Variants in TMEM234 observed in about 807,000 individuals in gnomAD.
TMEM234 encodes the protein chromosome 1 open reading frame 91.
In TMEM234, 21 loss-of-function variants were observed where a neutral mutation model predicts 17.8. The observed-to-expected ratio is 1.18, with a 90% CI of 0.84 to 1.70. The LOEUF is 1.70. Among genes scored for constraint, TMEM234 ranks in the 40% most tolerant of loss-of-function variants. The pLI, the probability that TMEM234 is intolerant of heterozygous loss-of-function variation, is 0.00. For synonymous variants in TMEM234, 83 were observed against 73.5 expected, an observed-to-expected ratio of 1.13 and a Z score of -0.66; for missense variants, 137 against 166.9, an observed-to-expected ratio of 0.82 and a Z score of 0.99.
At chr1:32,221,772 AG>A (rs1249312089) in intron 2 of TMEM234, 94 bp downstream of exon 2, 2 of 1,517,198 alleles carry the variant, frequency 1.3e-6, no homozygotes, top group Non-Finnish European at 1.8e-6. Flanking sequence ...ATTTCTAGTG[AG>A]TAAGTGGTGG....
chr1:32,215,765 CA>C, downstream of TMEM234: 2 of 1,478,934 alleles, frequency 1.4e-6, no homozygotes, highest in South Asian at 2.5e-5. Flanking sequence ...TGGCCATACT[CA>C]CGGCTCCATT....
intron 3 of TMEM234, chr1:32,217,622 C>T (rs574650359): frequency 7.5e-6 from 5 of 668,094 alleles, no homozygotes; most frequent in Admixed American, 2.2e-5. Flanking sequence ...AAAGAGAACT[C>T]GTGAGATCTC....
downstream of TMEM234, chr1:32,214,766 T>C: frequency 1.2e-6 from 2 of 1,612,586 alleles, no homozygotes; most frequent in Non-Finnish European, 1.7e-6. Flanking sequence ...TGGCCAGCAA[T>C]CAGGGTCCAA....
At chr1:32,214,930 C>T (rs1399801486), downstream of TMEM234, 3 of 1,613,926 alleles carry the variant, frequency 1.9e-6, no homozygotes, top group Non-Finnish European at 2.5e-6. Context: ...TCATTCCCAT[C>T]AGGTGAGGGG....
chr1:32,215,000 T>C (rs374714757), downstream of TMEM234: 13 of 1,587,374 alleles, frequency 8.2e-6, no homozygotes, highest in African/African-American at 1.4e-4. Flanking sequence ...TGGTCCCTGC[T>C]GTTGTTGGGG....
At chr1:32,220,173 A>C (rs1334644048) in intron 3 of TMEM234, among the ~76,000 whole-genome samples, 1 of 151,992 alleles carries the variant, frequency 6.6e-6, no homozygotes, top group African/African-American at 2.4e-5. Context: ...AGTGCATATT[A>C]TTTCTTTCTT....
At chr1:32,217,452 C>A (rs1638501332) in intron 3 of TMEM234, 101 bp from the exon 4 acceptor site, 1 of 1,568,934 alleles carries the variant, frequency 6.4e-7, no homozygotes, top group African/African-American at 1.4e-5. Flanking sequence ...AAAAAGGTAT[C>A]AAAACCCCAT....
chr1:32,215,105 G>T, downstream of TMEM234: 1 of 916,872 alleles, frequency 1.1e-6, no homozygotes, highest in Non-Finnish European at 1.6e-6. Flanking sequence ...TCAGGAGACT[G>T]CCCGTAAAAA....
chr1:32,219,207 G>A (rs1201163276), intron 3 of TMEM234, among the ~76,000 whole-genome samples: 1 of 146,254 alleles, frequency 6.8e-6, no homozygotes, highest in East Asian at 1.9e-4. Context: ...CTGCAGACCA[G>A]ATGTTCACAC....
downstream of TMEM234, chr1:32,215,341 A>C: frequency 9.9e-7 from 1 of 1,010,440 alleles, no homozygotes; most frequent in South Asian, 1.7e-5. Flanking sequence ...ATGCAGAACC[A>C]GGTTCAGGGG....
chr1:32,221,234 C>T (rs1474314688), intron 2 of TMEM234, 37 bp from the exon 3 acceptor site: 5 of 1,538,130 alleles, frequency 3.3e-6, no homozygotes, highest in African/African-American at 1.4e-5. Flanking sequence ...GTGTGATGGC[C>T]TGACTGAGCA....
chr1:32,215,468 C>G (rs11590012), downstream of TMEM234: 1 of 1,613,284 alleles, frequency 6.2e-7, no homozygotes, highest in South Asian at 1.1e-5. Context: ...GAGCTCCCCA[C>G]CGAAGGAAGG....
downstream of TMEM234, chr1:32,214,823 C>G (rs1472124594): frequency 6.2e-7 from 1 of 1,613,954 alleles, no homozygotes; most frequent in African/African-American, 1.3e-5. Flanking sequence ...CCCAGGTAAC[C>G]CAGCCCTCTC....
intron 3 of TMEM234, among the ~76,000 whole-genome samples, chr1:32,220,083 T>C (rs1417625323): frequency 6.6e-6 from 1 of 152,242 alleles, no homozygotes; most frequent in African/African-American, 2.4e-5. Flanking sequence ...AATGGCTACC[T>C]GTAGTCAGCT....
intron 3 of TMEM234, chr1:32,217,620 C>A (rs1002415761): frequency 1.0e-5 from 7 of 671,168 alleles, no homozygotes; most frequent in African/African-American, 1.8e-5. Flanking sequence ...TCAAAGAGAA[C>A]TCGTGAGATC....
chr1:32,217,009 A>G lies in TMEM234; in HGVS notation c.329-62T>C, dbSNP rs765993071. On this transcript the variant is annotated intron_variant, in intron 4 of 4. Transcript: ENST00000309777. ...CAGCCATGCCAGTAGGAGCTGGTAC[A>G]GGGCTGGAGGAAGGGCTCAGATGGG... 1.2e-5 allele frequency: 20 copies of G among 1,610,172 alleles called. No individual in the cohort carries two copies. In the African/African-American group the frequency reaches 2.0e-4, roughly 16 times the overall value.
downstream of TMEM234, chr1:32,215,578 T>C (rs1013850068): frequency 3.8e-6 from 6 of 1,595,444 alleles, no homozygotes; most frequent in Non-Finnish European, 5.1e-6. Flanking sequence ...TATGTTGGGG[T>C]GGGAGGAGCT....
chr1:32,215,264 A>AG (rs1424632664), downstream of TMEM234: 2 of 616,978 alleles, frequency 3.2e-6, no homozygotes, highest in African/African-American at 3.7e-5. Context: ...GGTGGGATAT[A>AG]GAGGGGATGG....
At chr1:32,215,108 CGT>C, downstream of TMEM234, 1 of 881,768 alleles carries the variant, frequency 1.1e-6, no homozygotes, top group Non-Finnish European at 1.6e-6. Context: ...GGAGACTGCC[CGT>C]AAAAAAAAAA....
Sources: gnomAD v4.1 joint callset for allele counts (sites outside exome capture counted in the v4.1 genomes callset) on GRCh38, gnomAD v4.1.1 for gene constraint, MANE v1.5 for transcripts, NCBI Gene and HGNC (gene_info 2026-07-23, HGNC 2026-07-21) for gene names.